Variants in KIAA0319L observed in about 807,000 individuals in gnomAD.
KIAA0319L encodes the protein dyslexia-associated protein KIAA0319-like protein.
KIAA0319L carries 55 observed loss-of-function variants against 120.1 expected under a neutral mutation model. The ratio of observed to expected loss-of-function variants is 0.46; its 90% CI spans 0.37 to 0.57. The LOEUF is 0.57. Among genes scored for constraint, KIAA0319L ranks in the 20% least tolerant of loss-of-function variants. The pLI is 0.00. For missense variants in KIAA0319L, 1,049 were observed against 1,255.3 expected, an observed-to-expected ratio of 0.84 and a Z score of 2.48; for synonymous variants, 398 against 471.9, an observed-to-expected ratio of 0.84 and a Z score of 2.03.
At chr1:35,530,128 C>T (rs1464575499) in intron 2 of KIAA0319L, among the ~76,000 whole-genome samples, 1 of 152,004 alleles carries the variant, frequency 6.6e-6, no homozygotes, top group African/African-American at 2.4e-5. Flanking sequence ...CTCAGCCTCA[C>T]AGGTTCAAGC....
At chr1:35,547,811 TG>T (rs754927114) in intron 2 of KIAA0319L, among the ~76,000 whole-genome samples, 4 of 152,084 alleles carry the variant, frequency 2.6e-5, no homozygotes, top group Non-Finnish European at 5.9e-5. Context: ...AATTAGATAG[TG>T]GTATATCTCA....
chr1:35,496,145 T>TATGGTGGC (rs529837516), intron 3 of KIAA0319L, among the ~76,000 whole-genome samples: 324 of 152,256 alleles, frequency 2.1e-3, no homozygotes, highest in African/African-American at 7.0e-3. Flanking sequence ...ATAGGCCGGT[T>TATGGTGGC]ATGGTGGCTC....
intron 3 of KIAA0319L, among the ~76,000 whole-genome samples, chr1:35,501,807 G>C (rs1645016136): frequency 6.6e-6 from 1 of 151,674 alleles, no homozygotes; most frequent in Admixed American, 6.6e-5. Context: ...GAACCCGGGA[G>C]GTGGAGGTTG....
intron 2 of KIAA0319L, among the ~76,000 whole-genome samples, chr1:35,545,513 G>A (rs1374828689): frequency 6.6e-6 from 1 of 152,206 alleles, no homozygotes; most frequent in Admixed American, 6.5e-5. Context: ...ATCTGAATTG[G>A]AATACATCAG....
intron 16 of KIAA0319L, among the ~76,000 whole-genome samples, chr1:35,446,916 C>G (rs562490159): frequency 6.6e-6 from 1 of 152,118 alleles, no homozygotes; most frequent in Non-Finnish European, 1.5e-5. Flanking sequence ...CATCTCCTGA[C>G]GCAGCCAGTA....
chr1:35,513,780 TG>T (rs1432193985), intron 2 of KIAA0319L, among the ~76,000 whole-genome samples: 1 of 152,204 alleles, frequency 6.6e-6, no homozygotes, highest in Non-Finnish European at 1.5e-5. Flanking sequence ...TACTGCCCAC[TG>T]ATTCCCTTAC....
rs369128938 is a variant in KIAA0319L, at chr1:35,449,939, T to G, written c.2281A>C (p.Thr761Pro). 16 of 1,614,048 alleles carry G rather than the reference T, an allele frequency of 9.9e-6. No homozygotes were observed. Among genetic ancestry groups the G allele is most frequent in the Non-Finnish European group, 1.4e-5 (16 of 1,180,014 alleles). The change falls in exon 15 of 21, where the codon ACT becomes CCT. Residue 761 changes from threonine (T) to proline (P), a missense_variant. By Grantham distance (38) the Thr-to-Pro change is conservative. Transcript: ENST00000325722. ...FLSNLVEGTY[T>P]FHLKVTDAKG... ...GCATCGGTCACTTTCAGGTGAAAAG[T>G]GTAGGTTCCCTCAACCAGGTTTGAA...
intron 6 of KIAA0319L, among the ~76,000 whole-genome samples, chr1:35,469,724 T>C (rs1643494138): frequency 6.6e-6 from 1 of 152,008 alleles, no homozygotes; most frequent in African/African-American, 2.4e-5. Context: ...ACCTGCTTCC[T>C]ATCAGTATCA....
rs1450782093 is a variant in KIAA0319L at position 35,433,601 on chromosome 1, C to T, written c.*1293G>A. Reference sequence around the variant, plus strand: ...CCCCCAAAGTTTCCATTCCCCAATACCCAGATAACCATGGTGGAACAGGGC... The same window carrying T: ...CCCCCAAAGTTTCCATTCCCCAATATCCAGATAACCATGGTGGAACAGGGC... On this transcript the variant is annotated 3_prime_UTR_variant, in exon 21 of 21. Coordinates refer to ENST00000325722, the MANE Select transcript of KIAA0319L (RefSeq NM_024874.5). The T allele has an allele frequency of 6.6e-6, 1 of 152,292 alleles. No individual in the cohort carries two copies. Among genetic ancestry groups the T allele is most frequent in the Non-Finnish European group, 1.5e-5 (1 of 68,108 alleles). The allele number at this position is 152,292 out of a possible 1,614,324, so 9.4% of individuals were successfully genotyped here. A position where few individuals can be genotyped will look rare whatever the true frequency, so the allele number is the denominator to read the frequency against.
At chr1:35,523,186 C>T (rs1645995419) in intron 2 of KIAA0319L, among the ~76,000 whole-genome samples, 1 of 152,058 alleles carries the variant, frequency 6.6e-6, no homozygotes, top group Admixed American at 6.6e-5. Flanking sequence ...CATGCTGCCT[C>T]CTCTACCTAG....
At chr1:35,546,230 G>T (rs1646976092) in intron 2 of KIAA0319L, among the ~76,000 whole-genome samples, 1 of 152,192 alleles carries the variant, frequency 6.6e-6, no homozygotes, top group South Asian at 2.1e-4. Context: ...AGGGAGAGAA[G>T]GGAGTGGGGG....
At chr1:35,510,386 T>C (rs1324679174) in intron 2 of KIAA0319L, 1 of 151,200 alleles carries the variant, frequency 6.6e-6, no homozygotes, top group East Asian at 1.9e-4. Context: ...TTTCTTTTTT[T>C]TTTTTTTTTT....
chr1:35,488,002 CT>C (rs1644453108), intron 3 of KIAA0319L, among the ~76,000 whole-genome samples: 1 of 152,202 alleles, frequency 6.6e-6, no homozygotes, highest in Non-Finnish European at 1.5e-5. Context: ...TTTTCAGATG[CT>C]TTTTCTATCA....
intron 2 of KIAA0319L, chr1:35,511,358 T>G (rs948347104): frequency 1.3e-5 from 2 of 152,142 alleles, no homozygotes; most frequent in Non-Finnish European, 2.9e-5. Context: ...AATCAGAAAA[T>G]CCATATCTTA....
At chr1:35,526,198 ACTGT>A (rs1439029680) in intron 2 of KIAA0319L, among the ~76,000 whole-genome samples, 1 of 150,264 alleles carries the variant, frequency 6.7e-6, no homozygotes, top group Non-Finnish European at 1.5e-5. Context: ...AGTCTATGTG[ACTGT>A]CTGTTTTTAT....
intron 1 of KIAA0319L, among the ~76,000 whole-genome samples, chr1:35,555,630 G>A (rs186049200): frequency 1.3e-5 from 2 of 152,340 alleles, no homozygotes; most frequent in Admixed American, 1.3e-4. Flanking sequence ...ACATGTTCAA[G>A]AGATTATGAA....
intron 2 of KIAA0319L, among the ~76,000 whole-genome samples, chr1:35,528,622 A>C (rs1189276579): frequency 6.6e-6 from 1 of 152,098 alleles, no homozygotes; most frequent in Non-Finnish European, 1.5e-5. Flanking sequence ...TAAATGTGAG[A>C]TCCATTTGAT....
At chr1:35,471,743 A>G (rs1263687578) in intron 5 of KIAA0319L, among the ~76,000 whole-genome samples, 1 of 152,196 alleles carries the variant, frequency 6.6e-6, no homozygotes, top group African/African-American at 2.4e-5. Context: ...TAAAAAAGAA[A>G]AAGGGGGAAA....
intron 3 of KIAA0319L, among the ~76,000 whole-genome samples, chr1:35,504,273 T>G (rs1299174222): frequency 6.6e-6 from 1 of 152,024 alleles, no homozygotes; most frequent in African/African-American, 2.4e-5. Context: ...CTTCGCTCAC[T>G]GCAAGCTCCA....
Sources: allele counts gnomAD v4.1 joint callset (sites outside exome capture counted in the v4.1 genomes callset), GRCh38; gene constraint gnomAD v4.1.1; transcripts MANE v1.5; gene names NCBI Gene and HGNC (gene_info 2026-07-23, HGNC 2026-07-21).